Variants in FAT3 observed in about 807,000 individuals in gnomAD.
FAT3 encodes protocadherin Fat 3.
Under a neutral mutation model 310.2 loss-of-function variants are expected in FAT3, and 95 were observed. That is an observed-to-expected ratio of 0.31 (90% CI 0.26 to 0.36). FAT3 has a LOEUF of 0.36. Among genes scored for constraint, FAT3 ranks in the 10% least tolerant of loss-of-function variants. FAT3 has a pLI of 1.00. For missense variants in FAT3, 5,408 were observed against 5,715.6 expected (o/e 0.95, Z 1.74); for synonymous variants, 2,314 against 2,192.9 (o/e 1.06, Z -1.54).
At position 92,799,485 on chromosome 11, in the gene FAT3, A is replaced by C; in HGVS notation, c.6472A>C (p.Ile2158Leu). The C allele has an allele frequency of 1.2e-6, 2 of 1,613,716 alleles. No individual in the cohort carries two copies. The highest frequency in any genetic ancestry group is 1.7e-6 in the Non-Finnish European group (2 of 1,179,792). ...DLSNIEYGVT[I>L]LAKDGGKPSL... ...GTCCAACATTGAGTATGGAGTCACC[A>C]TCCTAGCCAAGGATGGCGGAAAACC... is the stretch of plus-strand genomic sequence containing the variant. The change falls in exon 10 of 28, where the codon ATC becomes CTC. Residue 2158 changes from isoleucine (I) to leucine (L), a missense_variant. Physicochemically the swap from Ile to Leu is conservative, Grantham distance 5. Around this residue, in one of 5 missense-constraint regions of FAT3, gnomAD observed 4,588 missense variants for 4,809.8 expected, o/e 0.95. Coordinates refer to ENST00000525166, the MANE Select transcript of FAT3 (RefSeq NM_001367949.2).
At chr11:92,631,099 G>GGTCA (rs1262144837) in intron 3 of FAT3, among the ~76,000 whole-genome samples, 3 of 152,122 alleles carry the variant, frequency 2.0e-5, no homozygotes, top group Non-Finnish European at 2.9e-5. Flanking sequence ...CACCAAACTA[G>GGTCA]GTCAGCTGGA....
chr11:92,671,827 T>C (rs1234769887), intron 3 of FAT3, among the ~76,000 whole-genome samples: 5 of 152,332 alleles, frequency 3.3e-5, no homozygotes, highest in Non-Finnish European at 7.3e-5. Flanking sequence ...TGAATGTGGC[T>C]GGGTGCAGTG....
rs536266698 is a variant in FAT3 at position 92,605,731 on chromosome 11, T to G, written c.3607+80783T>G. Among the ~76,000 whole-genome samples, 1,429 of 149,420 alleles carry G rather than the reference T, an allele frequency of 9.6e-3. 13 individuals are homozygous for G. Among genetic ancestry groups the G allele is most frequent in the Middle Eastern group, 0.045 (13 of 288 alleles). ...ATAAAATAGCTATGTTTTTTTTTTTTTTTTTTTTTTTTACAAATGAGATTT... is the reference window on the plus strand; with the variant it reads ...ATAAAATAGCTATGTTTTTTTTTTTGTTTTTTTTTTTTACAAATGAGATTT... On this transcript the variant is annotated intron_variant, in intron 3 of 27. Transcript: ENST00000525166.
intron 7 of FAT3, among the ~76,000 whole-genome samples, chr11:92,777,738 A>C (rs1946633493): frequency 6.6e-6 from 1 of 152,026 alleles, no homozygotes; most frequent in African/African-American, 2.4e-5. Context: ...TCCGCACCCT[A>C]GTCTTCTTGT....
intron 2 of FAT3, among the ~76,000 whole-genome samples, chr11:92,433,059 C>T (rs1357080625): frequency 6.6e-6 from 1 of 152,140 alleles, no homozygotes; most frequent in Non-Finnish European, 1.5e-5. Context: ...CTACTGAAGC[C>T]TCAGTAATGA....
rs542567583 is a variant in FAT3, at chr11:92,618,415, C to T, written c.3608-78969C>T. Among the ~76,000 whole-genome samples the T allele has an allele frequency of 1.1e-4, 16 of 152,308 alleles. 1 individual carries two copies. The highest frequency in any genetic ancestry group is 2.1e-4 in the South Asian group (1 of 4,828). On this transcript the variant is annotated intron_variant, in intron 3 of 27. Transcript: ENST00000525166. ...TTGGCTAGGAAAGGGAATTCCCTGACCCCTTGCACTTCCAGGGTGAGGCAA... is the reference window on the plus strand; with the variant it reads ...TTGGCTAGGAAAGGGAATTCCCTGATCCCTTGCACTTCCAGGGTGAGGCAA...
rs1170696220 is a variant in FAT3, at chr11:92,412,730, TATATATATATATATAAATATAC to T, written c.3292+57330_3292+57351del. Among the ~76,000 whole-genome samples, 64 of 22,886 alleles carry T rather than the reference TATATATATATATATAAATATAC, an allele frequency of 2.8e-3. 3 individuals are homozygous for T. Among genetic ancestry groups the T allele is most frequent in the African/African-American group, 6.0e-3 (62 of 10,384 alleles). The allele number at this position is 22,886 out of a possible 152,430, so 15.0% of individuals were successfully genotyped here. On this transcript the variant is annotated intron_variant, in intron 2 of 27. Coordinates refer to ENST00000525166, the MANE Select transcript of FAT3 (RefSeq NM_001367949.2). ...ATATATATATATATATATATATATA[TATATATATATATATAAATATAC>T]ATACATATATATATATTTAATGTAA...
At chr11:92,355,625 T>C (rs1019637245) in intron 2 of FAT3, among the ~76,000 whole-genome samples, 1 of 152,174 alleles carries the variant, frequency 6.6e-6, no homozygotes, top group Middle Eastern at 3.2e-3. Flanking sequence ...TCCTGGTTTG[T>C]TTTGTTTTGT....
chr11:92,720,472 A>T (rs1355427714), intron 4 of FAT3, among the ~76,000 whole-genome samples: 4 of 152,218 alleles, frequency 2.6e-5, no homozygotes, highest in African/African-American at 9.6e-5. Context: ...CTATAAAATG[A>T]ATCTGTTTTC....
chr11:92,559,731 T>G (rs1955156626), intron 3 of FAT3, among the ~76,000 whole-genome samples: 1 of 152,166 alleles, frequency 6.6e-6, no homozygotes, highest in Non-Finnish European at 1.5e-5. Flanking sequence ...TAACATATAG[T>G]CTTTTGTGAC....
At chr11:92,670,941 A>G (rs144173366) in intron 3 of FAT3, among the ~76,000 whole-genome samples, 1 of 152,128 alleles carries the variant, frequency 6.6e-6, no homozygotes, top group South Asian at 2.1e-4. Context: ...CCATTGCTAT[A>G]AAACTAAATT....
At chr11:92,674,094 T>C (rs186625061) in intron 3 of FAT3, among the ~76,000 whole-genome samples, 2,223 of 151,682 alleles carry the variant, frequency 0.015, 31 homozygotes, top group Non-Finnish European at 0.024. Flanking sequence ...GGCAGGAGAA[T>C]TGCTTCAACC....
chr11:92,400,019 C>G (rs184578336), intron 2 of FAT3, among the ~76,000 whole-genome samples: 1 of 152,244 alleles, frequency 6.6e-6, no homozygotes, highest in Admixed American at 6.5e-5. Context: ...TATTGAGGCA[C>G]AGACTATTGG....
At chr11:92,851,933 A>G (rs530625843) in intron 19 of FAT3, among the ~76,000 whole-genome samples, 20 of 152,340 alleles carry the variant, frequency 1.3e-4, no homozygotes, top group African/African-American at 4.8e-4. Context: ...GGCTCTTAAC[A>G]ATAACAGGTG....
intron 3 of FAT3, among the ~76,000 whole-genome samples, chr11:92,617,695 T>C (rs1275026901): frequency 6.6e-6 from 1 of 152,228 alleles, no homozygotes; most frequent in Admixed American, 6.5e-5. Flanking sequence ...TTAGTTTTCC[T>C]TCTAACTGTC....
chr11:92,343,820 G>A (rs1565240904), intron 1 of FAT3, among the ~76,000 whole-genome samples: 1 of 152,130 alleles, frequency 6.6e-6, no homozygotes, highest in Non-Finnish European at 1.5e-5. Flanking sequence ...TAGGAGGAAG[G>A]AGAATAATGA....
At chr11:92,519,100 T>C (rs1953595900) in intron 2 of FAT3, among the ~76,000 whole-genome samples, 1 of 152,108 alleles carries the variant, frequency 6.6e-6, no homozygotes, top group Non-Finnish European at 1.5e-5. Context: ...CCTAAACAAT[T>C]GTGAAAAGAG....
At chr11:92,828,221 C>A (rs538215286) in intron 13 of FAT3, among the ~76,000 whole-genome samples, 1 of 152,110 alleles carries the variant, frequency 6.6e-6, no homozygotes, top group South Asian at 2.1e-4. Flanking sequence ...AGCAACATGA[C>A]CTGCATTCCT....
intron 7 of FAT3, among the ~76,000 whole-genome samples, 200 bp from the exon 8 acceptor site, chr11:92,789,743 C>T (rs1313512675): frequency 6.6e-6 from 1 of 152,148 alleles, no homozygotes; most frequent in African/African-American, 2.4e-5. Context: ...AGTTTATGTT[C>T]CTGCTAATAT....
Sources: gnomAD v4.1 joint callset for allele counts (sites outside exome capture counted in the v4.1 genomes callset) on GRCh38, gnomAD v4.1.1 for gene constraint, gnomAD v4.1.1 regional missense constraint, MANE v1.5 for transcripts, NCBI Gene and HGNC (gene_info 2026-07-23, HGNC 2026-07-21) for gene names.